ATP10B: variants seen among roughly 807,000 people sequenced by gnomAD.
ATP10B encodes phospholipid-transporting ATPase VB.
ATP10B carries 122 observed loss-of-function variants against 141.2 expected under a neutral mutation model. That is an observed-to-expected ratio of 0.86 (90% CI 0.75 to 1.00). The LOEUF is 1.00. Ranked by LOEUF, ATP10B falls within the 50% of genes least tolerant of loss-of-function variation. The probability of loss-of-function intolerance (pLI) is 0.00; values close to 1 mark genes in which losing one functional copy is unlikely to be tolerated. For synonymous variants in ATP10B, 685 were observed against 692.0 expected (o/e 0.99, Z 0.16); for missense variants, 1,876 against 1,825.3 (o/e 1.03, Z -0.51).
At chr5:160,600,138 C>G (rs761361202) in intron 21 of ATP10B, among the ~76,000 whole-genome samples, 3 of 152,128 alleles carry the variant, frequency 2.0e-5, no homozygotes, top group Non-Finnish European at 4.4e-5. Flanking sequence ...TCCTAACAAC[C>G]TTGCAAGGTT....
intron 2 of ATP10B, among the ~76,000 whole-genome samples, chr5:160,751,974 C>T (rs946313434): frequency 2.0e-5 from 3 of 152,240 alleles, no homozygotes; most frequent in Non-Finnish European, 4.4e-5. Flanking sequence ...CCAGGATGAG[C>T]GTACATCCCC....
chr5:160,747,940 A>G (rs1005790), intron 2 of ATP10B, among the ~76,000 whole-genome samples: 86,949 of 147,324 alleles, frequency 0.59, 26,146 homozygotes, highest in African/African-American at 0.7. Flanking sequence ...ACCCTTAGCC[A>G]GACTGATGGC....
chr5:160,847,596 C>T (rs566614554), intron 1 of ATP10B, among the ~76,000 whole-genome samples: 3 of 152,278 alleles, frequency 2.0e-5, no homozygotes, highest in South Asian at 4.1e-4. Context: ...ACTGTCTTCT[C>T]TTTTTCTCCT....
the ATP10B span, among the ~76,000 whole-genome samples, chr5:160,878,593 C>T: frequency 1.3e-5 from 2 of 151,786 alleles, no homozygotes; most frequent in South Asian, 2.1e-4. Flanking sequence ...TCAGAGCGAA[C>T]AGGCAACCTA....
At chr5:160,846,479 G>A (rs987090560) in intron 1 of ATP10B, among the ~76,000 whole-genome samples, 2 of 152,144 alleles carry the variant, frequency 1.3e-5, no homozygotes, top group African/African-American at 4.8e-5. Context: ...ACAAATGGGA[G>A]AATTAAGACC....
At chr5:160,658,259 T>C (rs1761644091) in intron 7 of ATP10B, among the ~76,000 whole-genome samples, 1 of 152,022 alleles carries the variant, frequency 6.6e-6, no homozygotes, top group African/African-American at 2.4e-5. Flanking sequence ...AAGAGCAAAG[T>C]CCATGGGAGC....
the ATP10B span, among the ~76,000 whole-genome samples, chr5:160,871,156 A>G: frequency 2.6e-5 from 4 of 152,162 alleles, no homozygotes; most frequent in Non-Finnish European, 5.9e-5. Flanking sequence ...TAAAAGTGAA[A>G]CTAAAACTTT....
intron 2 of ATP10B, among the ~76,000 whole-genome samples, chr5:160,767,589 A>T (rs1769548706): frequency 6.6e-6 from 1 of 150,512 alleles, no homozygotes; most frequent in East Asian, 1.9e-4. Flanking sequence ...AGAAGCAAAA[A>T]AATGACACTT....
intron 3 of ATP10B, among the ~76,000 whole-genome samples, chr5:160,703,989 T>C (rs1764829751): frequency 6.6e-6 from 1 of 152,136 alleles, no homozygotes; most frequent in Non-Finnish European, 1.5e-5. Context: ...TAACCTTTGT[T>C]ATTGTTGTTG....
At chr5:160,849,188 A>G (rs1753640410) in intron 1 of ATP10B, among the ~76,000 whole-genome samples, 1 of 152,152 alleles carries the variant, frequency 6.6e-6, no homozygotes, top group South Asian at 2.1e-4. Flanking sequence ...TGAAGATTTC[A>G]CCATCAATCT....
chr5:160,781,046 T>A (rs1208711856), intron 2 of ATP10B, among the ~76,000 whole-genome samples: 1 of 152,148 alleles, frequency 6.6e-6, no homozygotes, highest in Non-Finnish European at 1.5e-5. Context: ...ACAATAATAG[T>A]GTGGGCTATT....
At chr5:160,864,755 A>C in the ATP10B span, among the ~76,000 whole-genome samples, 6 of 152,214 alleles carry the variant, frequency 3.9e-5, no homozygotes, top group African/African-American at 1.4e-4. Context: ...TACACAAATC[A>C]GTAACTGCTG....
chr5:160,901,604 G>A, the ATP10B span, among the ~76,000 whole-genome samples: 11 of 152,290 alleles, frequency 7.2e-5, no homozygotes, highest in Admixed American at 5.9e-4. Context: ...AATACACAAA[G>A]CGATGCAATG....
intron 1 of ATP10B, among the ~76,000 whole-genome samples, chr5:160,820,094 A>T (rs1773984241): frequency 6.6e-6 from 1 of 151,648 alleles, no homozygotes; most frequent in South Asian, 2.1e-4. Context: ...CAAAAAGTTG[A>T]TTTTTTTTGT....
chr5:160,586,123 C>T (rs940723416), intron 24 of ATP10B, among the ~76,000 whole-genome samples: 1 of 152,152 alleles, frequency 6.6e-6, no homozygotes, highest in Non-Finnish European at 1.5e-5. Context: ...TGCTCTCCCT[C>T]CGCTTGTTCC....
At chr5:160,697,223 A>G (rs540550960) in intron 3 of ATP10B, among the ~76,000 whole-genome samples, 1 of 152,176 alleles carries the variant, frequency 6.6e-6, no homozygotes, top group Non-Finnish European at 1.5e-5. Context: ...AGAAAACAGA[A>G]ATTGCCATTT....
At chr5:160,635,828 C>A (rs181783020) in intron 11 of ATP10B, among the ~76,000 whole-genome samples, 1 of 152,174 alleles carries the variant, frequency 6.6e-6, no homozygotes, top group Non-Finnish European at 1.5e-5. Context: ...AGTTCTCTGT[C>A]GCTCACTGTG....
the ATP10B span, among the ~76,000 whole-genome samples, chr5:160,894,429 C>T: frequency 1.1e-4 from 16 of 151,538 alleles, no homozygotes; most frequent in African/African-American, 2.9e-4. Context: ...ATAGCCAAAT[C>T]GATCAAGCAG....
chr5:160,890,113 T>C, the ATP10B span, among the ~76,000 whole-genome samples: 15,055 of 152,270 alleles, frequency 0.099, 853 homozygotes, highest in Non-Finnish European at 0.12. Flanking sequence ...GATTAATGTC[T>C]GTTTCTTCCA....
Sources: allele counts gnomAD v4.1 joint callset (sites outside exome capture counted in the v4.1 genomes callset), GRCh38; gene constraint gnomAD v4.1.1; transcripts MANE v1.5; gene names NCBI Gene and HGNC (gene_info 2026-07-23, HGNC 2026-07-21).